The following PHF21A variants were observed in gnomAD, a reference collection of about 807,000 sequenced individuals.
The protein encoded by PHF21A is PHD finger protein 21A.
Under a neutral mutation model 82.5 loss-of-function variants are expected in PHF21A, and 11 were observed. The ratio of observed to expected loss-of-function variants is 0.13; its 90% confidence interval spans 0.08 to 0.22. The LOEUF (loss-of-function observed/expected upper bound fraction) is 0.22, where lower values mean the gene tolerates loss of function less well. Ranked by LOEUF, PHF21A falls within the 10% of genes least tolerant of loss-of-function variation. The pLI, the probability that PHF21A is intolerant of heterozygous loss-of-function variation, is 1.00. For missense variants in PHF21A, 579 were observed against 837.8 expected, an observed-to-expected ratio of 0.69 and a Z score of 3.81; for synonymous variants, 297 against 302.8, an observed-to-expected ratio of 0.98 and a Z score of 0.20.
Position 45,971,098 on chromosome 11 carries a change from G to T in PHF21A, c.612+18C>A. ...ACCTTCTCATGTGATCACACATGAG[G>T]AGCAGCTGCTGGCTTACCAGAGTGA... On this transcript the variant is annotated intron_variant, in intron 8 of 18. Coordinates refer to ENST00000676320, the MANE Select transcript of PHF21A (RefSeq NM_001352027.3). The T allele has an allele frequency of 6.2e-7, 1 of 1,613,550 alleles. No homozygotes were observed. The highest frequency in any genetic ancestry group is 1.1e-5 in the South Asian group (1 of 90,978).
chr11:45,933,399 C>T lies in PHF21A; in HGVS notation c.*569G>A, dbSNP rs935131900. The T allele has an allele frequency of 2.6e-5, 4 of 152,690 alleles. No individual in the cohort carries two copies. The highest frequency in any genetic ancestry group is 9.7e-5 in the African/African-American group (4 of 41,442). 9.5% of individuals were successfully genotyped at this position (152,690 alleles called of 1,614,324 possible). A position where few individuals can be genotyped will look rare whatever the true frequency, so the allele number is the denominator to read the frequency against. Reference sequence around the variant, plus strand: ...GTGATTAAATACTGCTTATTTGATACACTGTCCCACCCCCTGCTCCCTCCA... The same window carrying T: ...GTGATTAAATACTGCTTATTTGATATACTGTCCCACCCCCTGCTCCCTCCA... On this transcript the variant is annotated 3_prime_UTR_variant, in exon 19 of 19. Coordinates refer to ENST00000676320, the MANE Select transcript of PHF21A (RefSeq NM_001352027.3).
intron 11 of PHF21A, among the ~76,000 whole-genome samples, chr11:45,952,287 G>A (rs899435534): frequency 2.6e-5 from 4 of 152,112 alleles, no homozygotes; most frequent in South Asian, 2.1e-4. Context: ...CATCACCTAG[G>A]CTGGAGTGCA....
At chr11:46,110,700 C>A (rs1436710486) in intron 1 of PHF21A, among the ~76,000 whole-genome samples, 1 of 152,064 alleles carries the variant, frequency 6.6e-6, no homozygotes, top group Non-Finnish European at 1.5e-5. Context: ...AATAAAACAG[C>A]TTATAAAGTA....
chr11:45,972,034 T>C (rs2093792093), intron 7 of PHF21A, among the ~76,000 whole-genome samples: 1 of 151,704 alleles, frequency 6.6e-6, no homozygotes, highest in Non-Finnish European at 1.5e-5. Flanking sequence ...AATGAGTATA[T>C]AGTAAATACC....
chr11:46,111,143 GA>G (rs2097209183), intron 1 of PHF21A, among the ~76,000 whole-genome samples: 2 of 150,230 alleles, frequency 1.3e-5, no homozygotes, highest in Admixed American at 1.3e-4. Flanking sequence ...TATTACAGCA[GA>G]TTGGTTTGCT....
chr11:46,049,010 G>A (rs984645424), intron 6 of PHF21A, among the ~76,000 whole-genome samples: 1 of 152,186 alleles, frequency 6.6e-6, no homozygotes, highest in African/African-American at 2.4e-5. Flanking sequence ...CTAGCTGTCT[G>A]TTAGGGAATG....
intron 6 of PHF21A, among the ~76,000 whole-genome samples, chr11:46,028,084 G>T (rs2095788341): frequency 6.6e-6 from 1 of 151,586 alleles, no homozygotes; most frequent in African/African-American, 2.4e-5. Flanking sequence ...GGAAATCTCT[G>T]GGGACAATTT....
intron 2 of PHF21A, among the ~76,000 whole-genome samples, 173 bp from the exon 3 acceptor site, chr11:46,090,739 T>G (rs1241976652): frequency 6.6e-6 from 1 of 151,982 alleles, no homozygotes; most frequent in Non-Finnish European, 1.5e-5. Context: ...AATGTGGTAT[T>G]CAATATGTAC....
chr11:45,951,673 G>GAT, intron 11 of PHF21A, among the ~76,000 whole-genome samples: 1 of 152,236 alleles, frequency 6.6e-6, no homozygotes, highest in Admixed American at 6.5e-5. Context: ...TGTGTGGACT[G>GAT]ATATTCAGAT....
rs140867833 is a variant in PHF21A, at chr11:45,955,971, C to T, written c.997-2346G>A. Among the ~76,000 whole-genome samples the T allele has an allele frequency of 3.5e-3, 528 of 152,294 alleles. 3 individuals carry two copies. Among genetic ancestry groups the T allele is most frequent in the African/African-American group, 0.012 (494 of 41,552 alleles). Reference sequence around the variant, plus strand: ...AGTTTGACTGTAAACTTGTGAAGGACTATCAGCCAGAACTAAGTTGCAGAC... The same window carrying T: ...AGTTTGACTGTAAACTTGTGAAGGATTATCAGCCAGAACTAAGTTGCAGAC... On this transcript the variant is annotated intron_variant, in intron 10 of 18. Transcript: ENST00000676320.
intron 6 of PHF21A, among the ~76,000 whole-genome samples, chr11:46,039,255 T>C (rs1317995670): frequency 6.6e-6 from 1 of 152,240 alleles, no homozygotes; most frequent in Non-Finnish European, 1.5e-5. Flanking sequence ...TGTTTTAGTA[T>C]AGGTAGGGTG....
At chr11:45,981,869 A>C (rs1011020182) in intron 6 of PHF21A, among the ~76,000 whole-genome samples, 2 of 151,552 alleles carry the variant, frequency 1.3e-5, no homozygotes, top group African/African-American at 4.8e-5. Context: ...TAAAATCTTT[A>C]AGTAAAAAAA....
intron 6 of PHF21A, among the ~76,000 whole-genome samples, chr11:46,069,013 G>C (rs983088009): frequency 5.3e-5 from 8 of 152,118 alleles, no homozygotes; most frequent in African/African-American, 1.9e-4. Context: ...GGTACAACTA[G>C]CAGCAACAGA....
intron 12 of PHF21A, 81 bp downstream of exon 12, chr11:45,950,125 C>T (rs750941342): frequency 8.3e-5 from 93 of 1,115,180 alleles, no homozygotes; most frequent in Non-Finnish European, 1.2e-4. Context: ...TTTTCTATTC[C>T]AGGAATTCAA....
intron 1 of PHF21A, among the ~76,000 whole-genome samples, chr11:46,097,637 A>T (rs988955873): frequency 1.3e-5 from 2 of 152,108 alleles, no homozygotes; most frequent in Non-Finnish European, 2.9e-5. Flanking sequence ...AACTATCCAA[A>T]TCTCACCCAC....
At chr11:45,960,869 G>T (rs959710506) in intron 10 of PHF21A, among the ~76,000 whole-genome samples, 2 of 152,102 alleles carry the variant, frequency 1.3e-5, no homozygotes, top group African/African-American at 4.8e-5. Context: ...TAACAACTTG[G>T]CAACTTTTAA....
chr11:46,012,415 T>C (rs1011034961), intron 6 of PHF21A, among the ~76,000 whole-genome samples: 2 of 152,172 alleles, frequency 1.3e-5, no homozygotes, highest in Non-Finnish European at 2.9e-5. Flanking sequence ...CCTATAGTCA[T>C]TCCCTGGATA....
intron 6 of PHF21A, among the ~76,000 whole-genome samples, chr11:46,031,179 T>A (rs2095860330): frequency 6.6e-6 from 1 of 152,168 alleles, no homozygotes; most frequent in Non-Finnish European, 1.5e-5. Context: ...CAGTTCCCAA[T>A]AATGCCTAAT....
At position 45,969,825 on chromosome 11, in the gene PHF21A, A is replaced by G; in HGVS notation, c.692T>C (p.Phe231Ser). 3 of 1,611,238 alleles carry G rather than the reference A, an allele frequency of 1.9e-6. No homozygotes were observed. Among genetic ancestry groups the G allele is most frequent in the Non-Finnish European group, 1.7e-6 (2 of 1,177,374 alleles). The change falls in exon 9 of 19, where the codon TTT becomes TCT. Residue 231 changes from phenylalanine to serine, a missense_variant. Phe to Ser is a radical substitution (Grantham distance 155). This residue lies in a region of PHF21A where 410 missense variants were observed against 642.1 expected (regional missense o/e 0.64). Transcript: ENST00000676320. ...PPPRLTPRPN[F>S]LPQVRPKPVA... The stretch of plus-strand genomic sequence containing the variant: ...CATTGGTTTACTCACCTGTGGAAGA[A>G]AGTTTGGACGTGGAGTGAGTCTAGG...
Sources: gnomAD v4.1 joint callset for allele counts (sites outside exome capture counted in the v4.1 genomes callset) on GRCh38, gnomAD v4.1.1 for gene constraint, gnomAD v4.1.1 regional missense constraint, MANE v1.5 for transcripts, NCBI Gene and HGNC (gene_info 2026-07-23, HGNC 2026-07-21) for gene names.